Variants in PTPRD observed in about 807,000 individuals in gnomAD.
The protein encoded by PTPRD is receptor-type tyrosine-protein phosphatase delta.
Under a neutral mutation model 214.5 loss-of-function variants are expected in PTPRD, and 34 were observed. The ratio of observed to expected loss-of-function variants is 0.16; its 90% confidence interval spans 0.12 to 0.21. PTPRD has a LOEUF of 0.21. Ranked by LOEUF, PTPRD falls within the 10% of genes least tolerant of loss-of-function variation. The pLI, the probability that PTPRD is intolerant of heterozygous loss-of-function variation, is 1.00. For missense variants in PTPRD, 2,545 were observed against 2,398.7 expected (o/e 1.06, Z -1.27); for synonymous variants, 1,128 against 845.7 (o/e 1.33, Z -5.79).
intron 2 of PTPRD, among the ~76,000 whole-genome samples, chr9:10,416,468 G>A (rs2098489877): frequency 6.6e-6 from 1 of 151,686 alleles, no homozygotes; most frequent in Non-Finnish European, 1.5e-5. Flanking sequence ...AGAAGTTGAA[G>A]AAGAGAACAA....
chr9:9,669,005 G>C (rs2096775683), intron 7 of PTPRD, among the ~76,000 whole-genome samples: 1 of 152,082 alleles, frequency 6.6e-6, no homozygotes, highest in South Asian at 2.1e-4. Context: ...ATTAATAGCA[G>C]ATTGTTTCTA....
chr9:9,588,265 C>T (rs1340445407), intron 7 of PTPRD, among the ~76,000 whole-genome samples: 7 of 151,822 alleles, frequency 4.6e-5, no homozygotes, highest in Non-Finnish European at 1.0e-4. Flanking sequence ...AAAAATAAAG[C>T]GTCTTCATAA....
chr9:9,927,965 G>A (rs951255862), intron 5 of PTPRD, among the ~76,000 whole-genome samples: 1 of 147,658 alleles, frequency 6.8e-6, no homozygotes, highest in Non-Finnish European at 1.5e-5. Flanking sequence ...AGTTGTTTGG[G>A]TACAACTAAC....
At chr9:9,864,897 C>G in intron 5 of PTPRD, among the ~76,000 whole-genome samples, 1 of 151,900 alleles carries the variant, frequency 6.6e-6, no homozygotes, top group Non-Finnish European at 1.5e-5. Flanking sequence ...AAGATTTCAT[C>G]TTTAAAAATT....
At chr9:9,705,510 TCTA>T (rs1346635337) in intron 7 of PTPRD, among the ~76,000 whole-genome samples, 1 of 152,258 alleles carries the variant, frequency 6.6e-6, no homozygotes, top group East Asian at 1.9e-4. Context: ...TGAGATCACT[TCTA>T]CTATCTAAAA....
At chr9:9,754,290 C>T (rs1320380393) in intron 6 of PTPRD, among the ~76,000 whole-genome samples, 4 of 151,956 alleles carry the variant, frequency 2.6e-5, no homozygotes, top group Non-Finnish European at 5.9e-5. Context: ...TTACACGCCC[C>T]GTAATGAAGA....
chr9:9,043,018 C>A (rs892606165), intron 10 of PTPRD, among the ~76,000 whole-genome samples: 2 of 152,166 alleles, frequency 1.3e-5, no homozygotes, highest in African/African-American at 2.4e-5. Flanking sequence ...TACCAAACTT[C>A]ATTTGCTCCT....
intron 5 of PTPRD, among the ~76,000 whole-genome samples, chr9:9,783,310 AT>A (rs930038694): frequency 6.6e-6 from 1 of 152,126 alleles, no homozygotes; most frequent in African/African-American, 2.4e-5. Context: ...AAAATTTCCA[AT>A]TTCTTTCTTG....
chr9:8,562,898 T>A (rs2087016169), intron 14 of PTPRD, among the ~76,000 whole-genome samples: 2 of 151,816 alleles, frequency 1.3e-5, no homozygotes. Flanking sequence ...TACATTTAGA[T>A]CTGTGAGTTA....
chr9:10,363,991 G>GTTTTTTTGTTGCTTTTTTTTTTTTT lies in PTPRD; in HGVS notation c.-599-22975_-599-22974insAAAAAAAAAAAAAGCAACAAAAAAA, dbSNP rs1485501417. 5.7e-5 allele frequency among the ~76,000 whole-genome samples: 2 copies of GTTTTTTTGTTGCTTTTTTTTTTTTT among 35,132 alleles called. 1 individual carries two copies. The highest frequency in any genetic ancestry group is 1.1e-4 in the Non-Finnish European group (2 of 18,094). The allele number at this position is 35,132 out of a possible 152,430, so 23.0% of individuals were successfully genotyped here. A position where few individuals can be genotyped will look rare whatever the true frequency, so the allele number is the denominator to read the frequency against. On this transcript the variant is annotated intron_variant, in intron 2 of 45. Transcript: ENST00000381196. ...ATTATTATTGCCTCCACATTTTCGG[G>GTTTTTTTGTTGCTTTTTTTTTTTTT]TTTTTTTTTTTTTTTTTTTTTTTTT...
intron 5 of PTPRD, among the ~76,000 whole-genome samples, chr9:9,803,249 A>G (rs1286303718): frequency 1.3e-5 from 2 of 151,298 alleles, no homozygotes; most frequent in Admixed American, 1.3e-4. Context: ...GTTTTGATAA[A>G]AAAGAAAAAA....
intron 11 of PTPRD, among the ~76,000 whole-genome samples, chr9:8,876,502 A>C (rs2098392175): frequency 6.6e-6 from 1 of 152,196 alleles, no homozygotes; most frequent in Non-Finnish European, 1.5e-5. Context: ...GCACTATAGT[A>C]TTCCAGGGTA....
At chr9:9,924,304 A>C (rs374535878) in intron 5 of PTPRD, among the ~76,000 whole-genome samples, 1 of 152,138 alleles carries the variant, frequency 6.6e-6, no homozygotes, top group African/African-American at 2.4e-5. Context: ...GGTAGTTACC[A>C]AAAGGACCAG....
intron 2 of PTPRD, among the ~76,000 whole-genome samples, chr9:10,399,209 GAGA>G (rs745311608): frequency 5.3e-4 from 80 of 152,082 alleles, no homozygotes; most frequent in Non-Finnish European, 7.9e-4. Context: ...TTGTAAATTA[GAGA>G]AGGATTGCAA....
At chr9:8,323,716 G>A (rs1830736785) in intron 44 of PTPRD, among the ~76,000 whole-genome samples, 2 of 152,184 alleles carry the variant, frequency 1.3e-5, no homozygotes, top group Admixed American at 1.3e-4. Context: ...GATGAGCAAA[G>A]AAAGTGGCTT....
chr9:8,385,998 G>T (rs1402839240), intron 37 of PTPRD, among the ~76,000 whole-genome samples: 1 of 152,144 alleles, frequency 6.6e-6, no homozygotes, highest in Non-Finnish European at 1.5e-5. Context: ...TGAATTATTT[G>T]GAGGCTATCT....
intron 3 of PTPRD, among the ~76,000 whole-genome samples, chr9:10,085,562 A>T (rs961476813): frequency 1.3e-5 from 2 of 151,782 alleles, no homozygotes; most frequent in Non-Finnish European, 2.9e-5. Context: ...GAAAAGGGAA[A>T]GAGATGCTGG....
intron 8 of PTPRD, among the ~76,000 whole-genome samples, chr9:9,552,547 T>C (rs768411571): frequency 6.6e-6 from 1 of 152,084 alleles, no homozygotes; most frequent in Admixed American, 6.6e-5. Flanking sequence ...GGACTTCTTT[T>C]ATATGCAAAT....
chr9:8,450,992 G>C (rs1312983800), intron 33 of PTPRD, among the ~76,000 whole-genome samples: 2 of 152,292 alleles, frequency 1.3e-5, no homozygotes, highest in East Asian at 3.9e-4. Context: ...TGTTCGATGT[G>C]ACTGTGGTAC....
Sources: allele counts gnomAD v4.1 joint callset (sites outside exome capture counted in the v4.1 genomes callset), GRCh38; gene constraint gnomAD v4.1.1; transcripts MANE v1.5; gene names NCBI Gene and HGNC (gene_info 2026-07-23, HGNC 2026-07-21).